Variants in CHD4 observed in about 807,000 individuals in gnomAD.
CHD4 encodes the protein chromodomain helicase DNA binding protein 4.
Under a neutral mutation model 235.5 loss-of-function variants are expected in CHD4, and 35 were observed. The observed-to-expected ratio is 0.15, with a 90% CI of 0.11 to 0.20. The LOEUF (loss-of-function observed/expected upper bound fraction) is 0.20. CHD4 is among the 10% of genes least tolerant of loss of function. The pLI is 1.00. For missense variants in CHD4, 1,329 were observed against 2,432.3 expected (o/e 0.55, Z 9.54); for synonymous variants, 900 against 850.2 (o/e 1.06, Z -1.02).
At chr12:6,589,765 CAA>C (rs546471983) in intron 22 of CHD4, among the ~76,000 whole-genome samples, 15 of 122,972 alleles carry the variant, frequency 1.2e-4, no homozygotes, top group Admixed American at 1.7e-4. Flanking sequence ...GACTTTGTCT[CAA>C]AAAAAAAAAA....
rs147796962 is a variant in CHD4, at chr12:6,592,485, C to T, written c.2856G>A (p.Pro952=). Residue 952 remains proline (P), a synonymous_variant, in exon 19 of 40, where the codon CCG becomes CCA. Transcript: ENST00000544040. ...QIKKLHDMLG[P]HMLRRLKADV... ...CGGCTTTGAGCCGCCGCAACATGTG[C>T]GGCCCCAGCATGTCATGCAGTTTTT... The T allele has an allele frequency of 5.5e-5, 88 of 1,611,924 alleles. No individual in the cohort carries two copies. The highest frequency in any genetic ancestry group is 8.0e-5 in the African/African-American group (6 of 74,902).
At chr12:6,601,259 AC>A (rs763586448) in intron 6 of CHD4, 29 bp downstream of exon 6, 2 of 1,605,330 alleles carry the variant, frequency 1.2e-6, no homozygotes, top group Admixed American at 3.3e-5. Context: ...CACACTAGAC[AC>A]CCCCACTCCC....
Position 6,595,972 on chromosome 12 carries a change from GAAAC to G in CHD4, c.2024+30_2024+33del, listed in dbSNP as rs758815436. ...ACTCCATCTCAAAAAAAAAAAAAAA[GAAAC>G]AACTCTATGCCTCACCCAAAATCAC... On this transcript the variant is annotated intron_variant, in intron 13 of 39. Coordinates refer to ENST00000544040, the MANE Select transcript of CHD4 (RefSeq NM_001273.5). 7.9e-6 allele frequency: 10 copies of G among 1,267,740 alleles called. No homozygotes were observed. The South Asian group carries it at 1.0e-4, about 13-fold the overall frequency. 78.5% of individuals were successfully genotyped at this position (1,267,740 alleles called of 1,614,324 possible). A position where few individuals can be genotyped will look rare whatever the true frequency, so the allele number is the denominator to read the frequency against.
intron 37 of CHD4, 174 bp downstream of exon 37, chr12:6,577,611 A>T (rs1285624088): frequency 1.3e-6 from 1 of 785,968 alleles, no homozygotes; most frequent in Admixed American, 2.7e-5. Context: ...CAGTTAGTTA[A>T]CTTTCAATTC....
At chr12:6,591,415 A>G in intron 22 of CHD4, 51 bp downstream of exon 22, 1 of 1,416,660 alleles carries the variant, frequency 7.1e-7, no homozygotes, top group Middle Eastern at 1.8e-4. Flanking sequence ...TACAGTCCAA[A>G]GATATAAGCA....
Position 6,600,205 on chromosome 12 carries a change from C to A in CHD4, c.1242+12G>T. The A allele has an allele frequency of 2.5e-6, 4 of 1,613,444 alleles. No individual in the cohort carries two copies. Among genetic ancestry groups the A allele is most frequent in the Non-Finnish European group, 3.4e-6 (4 of 1,179,614 alleles). ...CATGGGTTCCAAGGGGCCACAATGG[C>A]CAGACACTCACGCAGTGTGGGCAGC... On this transcript the variant is annotated intron_variant, in intron 9 of 39. Transcript: ENST00000544040.
chr12:6,581,810 T>C lies in CHD4; in HGVS notation c.4520A>G (p.Gln1507Arg), dbSNP rs776444643. The C allele has an allele frequency of 1.3e-6, 2 of 1,518,162 alleles. No individual in the cohort carries two copies. The highest frequency in any genetic ancestry group is 4.5e-5 in the Admixed American group (2 of 44,746). The allele number at this position is 1,518,162 out of a possible 1,614,324, so 94.0% of individuals were successfully genotyped here. The change falls in exon 31 of 40, where the codon CAG becomes CGG. Residue 1507 changes from glutamine to arginine, a missense_variant. Around this residue, in one of 26 missense-constraint regions of CHD4, gnomAD observed 48 missense variants for 109.6 expected, o/e 0.44. Coordinates refer to ENST00000544040, the MANE Select transcript of CHD4 (RefSeq NM_001273.5). The stretch of plus-strand genomic sequence containing the variant: ...GCGCCCATTAACATGTTCAAACTCC[T>C]GAACCTGTAGCAATGGGACAAGAAG... Reference protein sequence around the residue: ...GVMSLIRKKVQEFEHVNGRWS... With the variant: ...GVMSLIRKKVREFEHVNGRWS...
chr12:6,585,714 G>A (rs567911348), intron 25 of CHD4, among the ~76,000 whole-genome samples: 8 of 151,098 alleles, frequency 5.3e-5, no homozygotes, highest in East Asian at 2.0e-4. Context: ...GCTTGAACCC[G>A]GGAGGCGGAG....
intron 33 of CHD4, 41 bp from the exon 34 acceptor site, chr12:6,578,958 A>G: frequency 6.4e-7 from 1 of 1,564,848 alleles, no homozygotes; most frequent in Non-Finnish European, 8.8e-7. Flanking sequence ...CTAAAGGAAG[A>G]ACATTCTCCT....
chr12:6,592,854 A>C (rs1405139982), intron 17 of CHD4, 37 bp from the exon 18 acceptor site: 1 of 1,594,310 alleles, frequency 6.3e-7, no homozygotes, highest in African/African-American at 1.3e-5. Flanking sequence ...AATCCAATGA[A>C]AACAGAGCTC....
chr12:6,577,673 A>G, intron 37 of CHD4, 112 bp downstream of exon 37: 1 of 1,413,218 alleles, frequency 7.1e-7, no homozygotes, highest in Non-Finnish European at 9.7e-7. Flanking sequence ...AGCCTTCCAT[A>G]GAATGAAGAA....
At chr12:6,596,812 T>G (rs970394335) in intron 12 of CHD4, among the ~76,000 whole-genome samples, 1 of 145,408 alleles carries the variant, frequency 6.9e-6, no homozygotes, top group Non-Finnish European at 1.5e-5. Flanking sequence ...AAAAAAAAAT[T>G]AGGCAGGCGT....
At chr12:6,601,801 AC>A in intron 4 of CHD4, 35 bp from the exon 5 acceptor site, 1 of 1,587,148 alleles carries the variant, frequency 6.3e-7, no homozygotes, top group Non-Finnish European at 8.7e-7. Flanking sequence ...AGTACCTGCC[AC>A]CTAGTGCCCA....
rs115997990 is a variant in CHD4 at position 6,572,856 on chromosome 12, G to A, written c.5557+218C>T. On this transcript the variant is annotated intron_variant, in intron 38 of 39. Coordinates refer to ENST00000544040, the MANE Select transcript of CHD4 (RefSeq NM_001273.5). ...ATTAGAGGCGTGAGCCACCGCGCCC[G>A]GCCAGGAGTCCATCTCTTTAAAAAA... The A allele has an allele frequency of 2.1e-3, 860 of 418,916 alleles. 5 individuals are homozygous for A. The highest frequency in any genetic ancestry group is 0.017 in the African/African-American group (807 of 46,938). The allele number at this position is 418,916 out of a possible 1,614,324, so 25.9% of individuals were successfully genotyped here. A position where few individuals can be genotyped will look rare whatever the true frequency, so the allele number is the denominator to read the frequency against.
chr12:6,578,396 C>G lies in CHD4; in HGVS notation c.5119+13G>C. ...AGATCCTTCTAACCCTGGTGGGCCCCTCATTTCCATACCAGTAAAACCACC... is the reference window on the plus strand; with the variant it reads ...AGATCCTTCTAACCCTGGTGGGCCCGTCATTTCCATACCAGTAAAACCACC... On this transcript the variant is annotated intron_variant, in intron 35 of 39. Coordinates refer to ENST00000544040, the MANE Select transcript of CHD4 (RefSeq NM_001273.5). The G allele has an allele frequency of 6.2e-7, 1 of 1,610,612 alleles. No individual in the cohort carries two copies. Among genetic ancestry groups the G allele is most frequent in the Non-Finnish European group, 8.5e-7 (1 of 1,179,090 alleles).
In CHD4 at chr12:6,578,350, C is replaced by A. The variant is rs181144039; in HGVS notation, c.5119+59G>T. ...AAAGTCCCTGTACCGTGGTTTCTGA[C>A]AAGAACCCCAATTTCACATCAGATC... On this transcript the variant is annotated intron_variant, in intron 35 of 39. Transcript: ENST00000544040. The A allele has an allele frequency of 5.2e-4, 828 of 1,583,650 alleles. 6 individuals carry two copies. The African/African-American group carries it at 9.8e-3, about 19-fold the overall frequency.
chr12:6,582,131 G>T lies in CHD4; in HGVS notation c.4515+6C>A, dbSNP rs372493471. ...TAGAAACAATGGCAAGAGGCTCAGG[G>T]CTCACCTTCTTGCGAATCAAAGACA... On this transcript the variant is annotated splice_donor_region_variant and intron_variant, in intron 30 of 39. Coordinates refer to ENST00000544040, the MANE Select transcript of CHD4 (RefSeq NM_001273.5). The T allele has an allele frequency of 7.7e-6, 12 of 1,562,142 alleles. No homozygotes were observed. The East Asian group carries it at 2.8e-4, about 36-fold the overall frequency.
rs1312128049 is a variant in CHD4, at chr12:6,581,631, TAGGAC to T, written c.4681+13_4681+17del. On this transcript the variant is annotated intron_variant, in intron 31 of 39. Coordinates refer to ENST00000544040, the MANE Select transcript of CHD4 (RefSeq NM_001273.5). ...ACAAAAAGAGAGGGACAGAAAATGA[TAGGAC>T]AGGCAGACTTACCAGCAGGTGGGAC... 4 of 1,613,908 alleles carry T rather than the reference TAGGAC, an allele frequency of 2.5e-6. No individual in the cohort carries two copies. The African/African-American group carries it at 5.3e-5, about 22-fold the overall frequency.
chr12:6,574,037 T>C (rs988133847), intron 37 of CHD4, among the ~76,000 whole-genome samples: 1 of 152,104 alleles, frequency 6.6e-6, no homozygotes, highest in African/African-American at 2.4e-5. Context: ...AAAGGGGTTA[T>C]TTTGCTATTT....
Sources: allele counts gnomAD v4.1 joint callset (sites outside exome capture counted in the v4.1 genomes callset), GRCh38; gene constraint gnomAD v4.1.1; regional missense constraint gnomAD v4.1.1; transcripts MANE v1.5; gene names NCBI Gene and HGNC (gene_info 2026-07-23, HGNC 2026-07-21).